Variants in ATP9B observed in about 807,000 individuals in gnomAD.
ATP9B encodes the protein probable phospholipid-transporting ATPase IIB.
A neutral mutation model predicts 146.1 loss-of-function variants in ATP9B; 110 were observed. That is an observed-to-expected ratio of 0.75 (90% confidence interval 0.65 to 0.88). The LOEUF is 0.88. Among genes scored for constraint, ATP9B ranks in the 40% least tolerant of loss-of-function variants. The probability of loss-of-function intolerance (pLI) is 0.00; values close to 1 mark genes in which losing one functional copy is unlikely to be tolerated. For missense variants in ATP9B, 1,499 were observed against 1,496.4 expected, an observed-to-expected ratio of 1.00 and a Z score of -0.03; for synonymous variants, 604 against 569.7, an observed-to-expected ratio of 1.06 and a Z score of -0.86.
chr18:79,212,966 A>G (rs538544801), intron 10 of ATP9B, among the ~76,000 whole-genome samples: 1 of 152,288 alleles, frequency 6.6e-6, no homozygotes, highest in East Asian at 1.9e-4. Flanking sequence ...CTAGAGAGGA[A>G]GGTGTAAGCC....
At position 79,373,957 on chromosome 18, in the gene ATP9B, G is replaced by A; in HGVS notation, c.3130G>A (p.Ala1044Thr). The change falls in exon 28 of 30, where the codon GCC becomes ACC. Residue 1044 changes from alanine to threonine, a missense_variant. By Grantham distance (58) the Ala-to-Thr change is moderately conservative. Coordinates refer to ENST00000426216, the MANE Select transcript of ATP9B (RefSeq NM_198531.5). ...CGAGTCTGAGTTCGTCCACGTGGTG[G>A]CCATCTCCTTCACCGCACTGATCCT... ...LFESEFVHVV[A>T]ISFTALILTE... The A allele has an allele frequency of 1.9e-6, 3 of 1,613,884 alleles. No homozygotes were observed. Among genetic ancestry groups the A allele is most frequent in the East Asian group, 2.2e-5 (1 of 44,872 alleles).
chr18:79,113,013 C>T (rs1177125136), intron 3 of ATP9B, among the ~76,000 whole-genome samples: 1 of 152,104 alleles, frequency 6.6e-6, no homozygotes, highest in Non-Finnish European at 1.5e-5. Context: ...TCCTAATTGT[C>T]TTATTTTCAG....
At chr18:79,157,856 C>G (rs2094818926) in intron 7 of ATP9B, among the ~76,000 whole-genome samples, 1 of 152,152 alleles carries the variant, frequency 6.6e-6, no homozygotes, top group East Asian at 1.9e-4. Flanking sequence ...AGTAATGTAA[C>G]CTCCTTTGTT....
At chr18:79,171,629 A>G (rs947214660) in intron 7 of ATP9B, among the ~76,000 whole-genome samples, 1 of 151,934 alleles carries the variant, frequency 6.6e-6, no homozygotes, top group South Asian at 2.1e-4. Context: ...ACACTGGTAC[A>G]GTGTGTGCGC....
intron 4 of ATP9B, 73 bp from the exon 5 acceptor site, chr18:79,126,194 A>C: frequency 7.7e-7 from 1 of 1,297,406 alleles, no homozygotes; most frequent in Non-Finnish European, 1.1e-6. Context: ...AAAAAAGTTA[A>C]ACCAAGTAAC....
chr18:79,370,742 G>T (rs1383679908), intron 26 of ATP9B, among the ~76,000 whole-genome samples: 1 of 152,126 alleles, frequency 6.6e-6, no homozygotes, highest in Non-Finnish European at 1.5e-5. Flanking sequence ...GCAGGTCTGA[G>T]GTGCTCCCTG....
intron 7 of ATP9B, among the ~76,000 whole-genome samples, chr18:79,171,001 C>T (rs912110964): frequency 1.3e-5 from 2 of 152,102 alleles, no homozygotes; most frequent in Admixed American, 6.5e-5. Flanking sequence ...TCAGAATCTT[C>T]GTAGATTTTC....
chr18:79,154,695 T>C (rs540787023), intron 7 of ATP9B, 140 bp downstream of exon 7: 1 of 500,336 alleles, frequency 2.0e-6, no homozygotes, highest in South Asian at 5.8e-5. Flanking sequence ...GAAATGCTAT[T>C]TTACTTTGAA....
chr18:79,136,098 C>A (rs992945542), intron 5 of ATP9B, among the ~76,000 whole-genome samples: 4 of 152,164 alleles, frequency 2.6e-5, no homozygotes, highest in African/African-American at 7.2e-5. Flanking sequence ...AAAGGGCCTA[C>A]ATCTAACAAC....
rs73971589 is a variant in ATP9B at position 79,235,986 on chromosome 18, C to T, written c.1108-17395C>T. Among the ~76,000 whole-genome samples, 778 of 152,186 alleles carry T rather than the reference C, an allele frequency of 5.1e-3. 12 individuals carry two copies. The highest frequency in any genetic ancestry group is 0.017 in the African/African-American group (707 of 41,516). ...TATACAGATCTCTTGGTGCAGTCTG[C>T]ATGCCTCCTGTAAGGTGTGTACCGA... On this transcript the variant is annotated intron_variant, in intron 11 of 29. Coordinates refer to ENST00000426216, the MANE Select transcript of ATP9B (RefSeq NM_198531.5).
In ATP9B at chr18:79,347,834, T is replaced by G; in HGVS notation, c.2747T>G (p.Leu916Arg). The change falls in exon 24 of 30, where the codon CTG becomes CGG. Residue 916 changes from leucine (L) to arginine (R), a missense_variant. Leu to Arg is a moderately radical substitution (Grantham distance 102). Transcript: ENST00000426216. The part of the protein sequence containing the change: ...SITQFRHIGR[L>R]LMVHGRNSYK... ...ACGCAGTTCCGGCACATAGGCAGGC[T>G]GCTCATGGTGCACGGGCGGAACAGC... 6.2e-7 allele frequency: 1 copy of G among 1,613,596 alleles called. No individual in the cohort carries two copies. Among genetic ancestry groups the G allele is most frequent in the Non-Finnish European group, 8.5e-7 (1 of 1,179,698 alleles).
intron 2 of ATP9B, among the ~76,000 whole-genome samples, chr18:79,105,250 TC>T (rs563669990): frequency 2.6e-4 from 40 of 152,324 alleles, no homozygotes; most frequent in African/African-American, 8.7e-4. Context: ...CTTTTTAATT[TC>T]CCAAATACCA....
chr18:79,255,081 C>T (rs2096065133), intron 12 of ATP9B: 1 of 152,094 alleles, frequency 6.6e-6, no homozygotes, highest in Admixed American at 6.6e-5. Context: ...GTGGTAGGGC[C>T]TCTGTAAGTA....
rs576723187 is a variant in ATP9B, at chr18:79,287,009, A to G, written c.1411+9813A>G. Among the ~76,000 whole-genome samples, 3 of 152,232 alleles carry G rather than the reference A, an allele frequency of 2.0e-5. No individual in the cohort carries two copies. In the East Asian group the frequency reaches 5.8e-4, roughly 29 times the overall value. On this transcript the variant is annotated intron_variant, in intron 13 of 29. Transcript: ENST00000426216. ...GATAAGCTTTTTGATGTGCTGCTGG[A>G]TTCGGTTTGCCAGTATTTTATTGAG...
At chr18:79,347,949 C>CCCATGGAGGGCAGGGT (rs1234960148) in intron 24 of ATP9B, 24 bp downstream of exon 24, 4 of 1,607,302 alleles carry the variant, frequency 2.5e-6, no homozygotes, top group Non-Finnish European at 3.4e-6. Context: ...TGTGCTGGCA[C>CCCATGGAGGGCAGGGT]CCATGGAGGG....
intron 15 of ATP9B, among the ~76,000 whole-genome samples, chr18:79,320,713 C>G (rs552942965): frequency 1.3e-5 from 2 of 152,240 alleles, no homozygotes; most frequent in East Asian, 3.9e-4. Flanking sequence ...CCCTCCAGCC[C>G]TCGTTGCTTG....
intron 15 of ATP9B, among the ~76,000 whole-genome samples, chr18:79,326,043 G>A (rs1369811491): frequency 1.8e-5 from 2 of 111,148 alleles, no homozygotes; most frequent in Admixed American, 8.7e-5. Flanking sequence ...TGTCACCTCT[G>A]TACCCTCCCT....
chr18:79,342,971 GTGTTTAC>G (rs2096867273), intron 20 of ATP9B, among the ~76,000 whole-genome samples: 1 of 152,164 alleles, frequency 6.6e-6, no homozygotes, highest in Non-Finnish European at 1.5e-5. Flanking sequence ...CTAAGTTTAT[GTGTTTAC>G]TGTATGTATT....
chr18:79,317,143 A>C (rs1395458124), intron 15 of ATP9B, among the ~76,000 whole-genome samples: 2 of 152,232 alleles, frequency 1.3e-5, no homozygotes, highest in Non-Finnish European at 2.9e-5. Context: ...TTTATAGGTC[A>C]GTTGTTTTGA....
Sources: gnomAD v4.1 joint callset for allele counts (sites outside exome capture counted in the v4.1 genomes callset) on GRCh38, gnomAD v4.1.1 for gene constraint, MANE v1.5 for transcripts, NCBI Gene and HGNC (gene_info 2026-07-23, HGNC 2026-07-21) for gene names.